Variants in GLCCI1 observed in about 807,000 individuals in gnomAD.
The protein encoded by GLCCI1 is glucocorticoid induced 1, also known as glucocorticoid-induced transcript 1 protein.
In GLCCI1, 24 loss-of-function variants were observed where a neutral mutation model predicts 52.2. The ratio of observed to expected loss-of-function variants is 0.46; its 90% confidence interval spans 0.33 to 0.65. GLCCI1 has a LOEUF of 0.65. Ranked by LOEUF, GLCCI1 falls within the 30% of genes least tolerant of loss-of-function variation. GLCCI1 has a pLI of 0.02. For missense variants in GLCCI1, 704 were observed against 701.5 expected (o/e 1.00, Z -0.04); for synonymous variants, 310 against 276.5 (o/e 1.12, Z -1.20).
At chr7:8,046,289 C>T (rs35641104) in intron 3 of GLCCI1, among the ~76,000 whole-genome samples, 11,403 of 152,088 alleles carry the variant, frequency 0.075, 480 homozygotes, top group African/African-American at 0.1. Flanking sequence ...AATTCAGAGC[C>T]CTCCCTCAAC....
chr7:8,070,761 A>C, intron 5 of GLCCI1, 160 bp from the exon 6 acceptor site: 1 of 614,760 alleles, frequency 1.6e-6, no homozygotes, highest in South Asian at 2.0e-5. Flanking sequence ...AAGGTAACAT[A>C]CGCAGAAATT....
chr7:8,024,256 G>A (rs948322898), intron 3 of GLCCI1, among the ~76,000 whole-genome samples: 3 of 152,042 alleles, frequency 2.0e-5, no homozygotes, highest in Non-Finnish European at 4.4e-5. Flanking sequence ...ACTTATGATT[G>A]TATTACATTT....
At chr7:8,062,503 G>A (rs998002275) in intron 5 of GLCCI1, among the ~76,000 whole-genome samples, 1 of 152,138 alleles carries the variant, frequency 6.6e-6, no homozygotes, top group African/African-American at 2.4e-5. Context: ...ACACGTGCAG[G>A]TTTCTTACAT....
chr7:8,061,837 T>C (rs1049382254), intron 5 of GLCCI1, among the ~76,000 whole-genome samples: 1 of 151,902 alleles, frequency 6.6e-6, no homozygotes, highest in East Asian at 1.9e-4. Flanking sequence ...CAGCTAATTT[T>C]TGTATTTTTA....
intron 1 of GLCCI1, among the ~76,000 whole-genome samples, chr7:7,978,526 T>G (rs1418854148): frequency 6.6e-6 from 1 of 152,194 alleles, no homozygotes; most frequent in Non-Finnish European, 1.5e-5. Flanking sequence ...CTGGGGTGTT[T>G]TGGCATTTTT....
At chr7:8,041,797 G>T (rs760799939) in intron 3 of GLCCI1, among the ~76,000 whole-genome samples, 22 of 151,854 alleles carry the variant, frequency 1.4e-4, no homozygotes, top group Non-Finnish European at 2.5e-4. Flanking sequence ...TCATTATGTT[G>T]CCCAGACTGG....
intron 3 of GLCCI1, among the ~76,000 whole-genome samples, chr7:8,039,423 T>C (rs1450991303): frequency 6.6e-6 from 1 of 152,090 alleles, no homozygotes; most frequent in African/African-American, 2.4e-5. Flanking sequence ...TGTATATATA[T>C]GTATATACAC....
intron 5 of GLCCI1, among the ~76,000 whole-genome samples, chr7:8,069,156 G>T (rs570744985): frequency 6.6e-6 from 1 of 152,184 alleles, no homozygotes; most frequent in Non-Finnish European, 1.5e-5. Flanking sequence ...CTTGGAGGCA[G>T]CAGGGGAAGG....
intron 3 of GLCCI1, among the ~76,000 whole-genome samples, chr7:8,024,402 T>TA (rs1435424954): frequency 6.6e-6 from 1 of 152,250 alleles, no homozygotes; most frequent in African/African-American, 2.4e-5. Flanking sequence ...TCTGGCTTAC[T>TA]ATAACTACAT....
chr7:8,036,162 C>T (rs73050958), intron 3 of GLCCI1, among the ~76,000 whole-genome samples: 1 of 152,288 alleles, frequency 6.6e-6, no homozygotes, highest in East Asian at 1.9e-4. Flanking sequence ...AACACAAGTG[C>T]ACAGTTCTGG....
At chr7:8,070,736 A>G (rs1782743037) in intron 5 of GLCCI1, 185 bp from the exon 6 acceptor site, 1 of 572,946 alleles carries the variant, frequency 1.7e-6, no homozygotes, top group Non-Finnish European at 3.1e-6. Flanking sequence ...TTTAAAAGAA[A>G]TGTTTAGTTC....
intron 3 of GLCCI1, among the ~76,000 whole-genome samples, chr7:8,030,886 C>A (rs923978491): frequency 1.3e-5 from 2 of 152,054 alleles, no homozygotes. Context: ...CAGGCAATAA[C>A]AGATGCTATT....
intron 1 of GLCCI1, among the ~76,000 whole-genome samples, chr7:8,001,603 G>A (rs1203664384): frequency 6.6e-6 from 1 of 152,182 alleles, no homozygotes; most frequent in Non-Finnish European, 1.5e-5. Context: ...CCATTACTGG[G>A]TGTATACCCA....
intron 1 of GLCCI1, among the ~76,000 whole-genome samples, chr7:7,977,459 A>T (rs1198413031): frequency 6.6e-6 from 1 of 152,226 alleles, no homozygotes; most frequent in Non-Finnish European, 1.5e-5. Flanking sequence ...CTAATTATCA[A>T]ATGAAAGGCC....
At chr7:8,017,345 G>T (rs1233071366) in intron 2 of GLCCI1, among the ~76,000 whole-genome samples, 1 of 152,174 alleles carries the variant, frequency 6.6e-6, no homozygotes, top group Admixed American at 6.5e-5. Flanking sequence ...AAATGAGTGG[G>T]TATATGGTCA....
intron 5 of GLCCI1, among the ~76,000 whole-genome samples, chr7:8,064,649 A>G (rs1444329580): frequency 6.6e-6 from 1 of 152,180 alleles, no homozygotes; most frequent in Admixed American, 6.5e-5. Flanking sequence ...CATCATTGGA[A>G]GTTTGATGGG....
intron 6 of GLCCI1, among the ~76,000 whole-genome samples, chr7:8,073,105 A>G (rs927627569): frequency 3.9e-5 from 6 of 152,158 alleles, no homozygotes; most frequent in Admixed American, 1.3e-4. Context: ...GGTCTTTTGC[A>G]GGAGACATTG....
chr7:8,070,067 TAGAA>T (rs1782722188), intron 5 of GLCCI1: 1 of 152,184 alleles, frequency 6.6e-6, no homozygotes, highest in African/African-American at 2.4e-5. Context: ...AGTAGTAAAG[TAGAA>T]AGAGTCCACT....
intron 5 of GLCCI1, among the ~76,000 whole-genome samples, chr7:8,068,057 T>A (rs1017921361): frequency 6.6e-6 from 1 of 152,072 alleles, no homozygotes; most frequent in South Asian, 2.1e-4. Flanking sequence ...TTATTCTTTT[T>A]AAAAAAAATT....
Sources: gnomAD v4.1 joint callset for allele counts (sites outside exome capture counted in the v4.1 genomes callset) on GRCh38, gnomAD v4.1.1 for gene constraint, MANE v1.5 for transcripts, NCBI Gene and HGNC (gene_info 2026-07-23, HGNC 2026-07-21) for gene names.